Variants in TMCO4 observed in about 807,000 individuals in gnomAD.
TMCO4 encodes transmembrane and coiled-coil domains 4.
A neutral mutation model predicts 64.7 loss-of-function variants in TMCO4; 58 were observed. That is an observed-to-expected ratio of 0.90 (90% CI 0.73 to 1.12). The LOEUF (loss-of-function observed/expected upper bound fraction) is 1.12. Ranked by LOEUF, TMCO4 falls within the 50% of genes most tolerant of loss-of-function variation. The pLI, the probability that TMCO4 is intolerant of heterozygous loss-of-function variation, is 0.00. For synonymous variants in TMCO4, 325 were observed against 346.1 expected, an observed-to-expected ratio of 0.94 and a Z score of 0.68; for missense variants, 780 against 825.9, an observed-to-expected ratio of 0.94 and a Z score of 0.68.
At chr1:19,716,387 T>C (rs539501728) in intron 13 of TMCO4, among the ~76,000 whole-genome samples, 2 of 148,372 alleles carry the variant, frequency 1.3e-5, no homozygotes, top group Non-Finnish European at 3.0e-5. Context: ...CTTTCTTTTT[T>C]TTTTTTTTTT....
At chr1:19,727,109 G>A (rs1243398144) in intron 13 of TMCO4, among the ~76,000 whole-genome samples, 4 of 152,212 alleles carry the variant, frequency 2.6e-5, no homozygotes, top group African/African-American at 9.7e-5. Flanking sequence ...CTGGAGGCGT[G>A]GGAGGAGCAG....
chr1:19,794,649 A>G (rs2044214585), intron 2 of TMCO4, among the ~76,000 whole-genome samples: 1 of 152,212 alleles, frequency 6.6e-6, no homozygotes, highest in Non-Finnish European at 1.5e-5. Flanking sequence ...ACTTCTGGGT[A>G]TATATGCAAA....
intron 6 of TMCO4, among the ~76,000 whole-genome samples, chr1:19,768,523 C>T (rs560087948): frequency 1.4e-3 from 217 of 152,290 alleles, no homozygotes; most frequent in Admixed American, 4.1e-3. Flanking sequence ...AGAGAAAATG[C>T]CCCAAACTCA....
rs756715511 is a variant in TMCO4, at chr1:19,683,298, G to A, written c.1647C>T (p.Ala549=). Residue 549 remains alanine (A), a synonymous_variant, in exon 16 of 16, where the codon GCC becomes GCT. Transcript: ENST00000294543. ...GGTGGGGGGTCTCGCCTGATGAGGC[G>A]GCAGCTGCTGCCTGGCGAGGCTCCT... The part of the protein sequence containing the change: ...PSEEPRQAAA[A]ASSGETPHQV... The A allele has an allele frequency of 1.3e-5, 21 of 1,614,084 alleles. No homozygotes were observed. Among genetic ancestry groups the A allele is most frequent in the African/African-American group, 5.3e-5 (4 of 75,068 alleles).
intron 15 of TMCO4, among the ~76,000 whole-genome samples, chr1:19,687,216 T>C (rs909154296): frequency 1.3e-5 from 2 of 152,196 alleles, no homozygotes; most frequent in African/African-American, 4.8e-5. Flanking sequence ...CCTCCCAAAG[T>C]GCTTGGGATT....
At chr1:19,778,954 T>TG (rs2043335819) in intron 4 of TMCO4, among the ~76,000 whole-genome samples, 1 of 151,970 alleles carries the variant, frequency 6.6e-6, no homozygotes, top group Admixed American at 6.6e-5. Flanking sequence ...GGCATACAGG[T>TG]GGAACAATGC....
intron 2 of TMCO4, among the ~76,000 whole-genome samples, chr1:19,791,050 A>G (rs2044006746): frequency 6.6e-6 from 1 of 152,196 alleles, no homozygotes; most frequent in Non-Finnish European, 1.5e-5. Context: ...CAGCAAACTA[A>G]TTCAGTAACA....
In TMCO4 at chr1:19,683,009, T is replaced by C. The variant is rs780648544; in HGVS notation, c.*31A>G. On this transcript the variant is annotated 3_prime_UTR_variant, in exon 16 of 16. Coordinates refer to ENST00000294543, the MANE Select transcript of TMCO4 (RefSeq NM_181719.7). The stretch of plus-strand genomic sequence containing the variant: ...ATAAGAGAGAGCTGCATATGGAGAC[T>C]GGGGAAGACGGCTCAGGTCCCCTGC... 3 of 1,531,590 alleles carry C rather than the reference T, an allele frequency of 2.0e-6. No homozygotes were observed. The highest frequency in any genetic ancestry group is 2.6e-6 in the Non-Finnish European group (3 of 1,143,364). 94.9% of individuals were successfully genotyped at this position (1,531,590 alleles called of 1,614,324 possible).
At chr1:19,763,164 C>G (rs1408939082) in intron 6 of TMCO4, among the ~76,000 whole-genome samples, 1 of 151,978 alleles carries the variant, frequency 6.6e-6, no homozygotes, top group Admixed American at 6.6e-5. Flanking sequence ...TAATCTCCGT[C>G]TCCAGGGTTC....
chr1:19,797,744 G>A (rs2101180705), intron 2 of TMCO4, among the ~76,000 whole-genome samples: 1 of 151,716 alleles, frequency 6.6e-6, no homozygotes, highest in Admixed American at 6.6e-5. Context: ...GGCGCCTGTA[G>A]TTCCAGCTAC....
intron 13 of TMCO4, among the ~76,000 whole-genome samples, chr1:19,720,347 C>T (rs969776587): frequency 7.2e-5 from 11 of 152,082 alleles, no homozygotes; most frequent in Non-Finnish European, 1.2e-4. Context: ...TATTACTAGA[C>T]CCATTTCTCA....
intron 13 of TMCO4, among the ~76,000 whole-genome samples, chr1:19,727,017 G>A (rs551063525): frequency 4.9e-4 from 75 of 152,280 alleles, no homozygotes; most frequent in Middle Eastern, 3.4e-3. Flanking sequence ...CTCCTCAGAC[G>A]CCTTACAGAT....
intron 6 of TMCO4, among the ~76,000 whole-genome samples, chr1:19,762,649 C>T (rs2042557795): frequency 6.6e-6 from 1 of 152,238 alleles, no homozygotes; most frequent in South Asian, 2.1e-4. Flanking sequence ...GGGAACTTGG[C>T]CCTAAATGCC....
intron 13 of TMCO4, among the ~76,000 whole-genome samples, chr1:19,713,822 T>C (rs924093270): frequency 1.3e-5 from 2 of 152,244 alleles, no homozygotes; most frequent in East Asian, 3.8e-4. Context: ...ATTCTCTTTT[T>C]CTTGGGGATT....
chr1:19,790,129 A>C (rs1369664262), intron 2 of TMCO4, among the ~76,000 whole-genome samples: 1 of 152,116 alleles, frequency 6.6e-6, no homozygotes, highest in Non-Finnish European at 1.5e-5. Flanking sequence ...GTATGCAGAA[A>C]ATTGAAACTA....
chr1:19,743,869 GGAAGT>G lies in TMCO4; in HGVS notation c.877+1658_877+1662del, dbSNP rs1285120145. ...TCAGAACAGCCCCACCTTGGAGGGT[GGAAGT>G]GAAGTTTCTAGGAGGTAACCATACC... On this transcript the variant is annotated intron_variant, in intron 10 of 15. Transcript: ENST00000294543. This position sits in a 1 kb window ranked among gnomAD's most constrained non-coding sequence, Gnocchi z 4.1. Among the ~76,000 whole-genome samples, 1 of 152,202 alleles carries G rather than the reference GGAAGT, an allele frequency of 6.6e-6. No individual in the cohort carries two copies. Among genetic ancestry groups the G allele is most frequent in the Non-Finnish European group, 1.5e-5 (1 of 68,032 alleles).
At chr1:19,768,093 CAAAAAAAAAAA>C (rs35417457) in intron 6 of TMCO4, among the ~76,000 whole-genome samples, 17,575 of 89,636 alleles carry the variant, frequency 0.2, 1,152 homozygotes, top group Middle Eastern at 0.25. Flanking sequence ...AACTTCATCT[CAAAAAAAAAAA>C]AAAAAAAAAG....
intron 13 of TMCO4, among the ~76,000 whole-genome samples, chr1:19,725,880 C>T (rs3929668): frequency 0.34 from 51,815 of 152,006 alleles, 9,086 homozygotes; most frequent in South Asian, 0.41. Flanking sequence ...ACTGGGAAGT[C>T]TGGGCAATAG....
intron 6 of TMCO4, among the ~76,000 whole-genome samples, chr1:19,768,630 C>T (rs1275306535): frequency 2.0e-5 from 3 of 152,178 alleles, no homozygotes; most frequent in South Asian, 2.1e-4. Context: ...CCGAAGGCCT[C>T]GCCTGCCTCA....
Sources: gnomAD v4.1 joint callset for allele counts (sites outside exome capture counted in the v4.1 genomes callset) on GRCh38, gnomAD v4.1.1 for gene constraint, Gnocchi (gnomAD v3.1) non-coding constraint, MANE v1.5 for transcripts, NCBI Gene and HGNC (gene_info 2026-07-23, HGNC 2026-07-21) for gene names.